The following RAPGEF1 variants were observed in gnomAD, a reference collection of about 807,000 sequenced individuals.
The protein encoded by RAPGEF1 is Rap guanine nucleotide exchange factor 1.
Under a neutral mutation model 143.3 loss-of-function variants are expected in RAPGEF1, and 33 were observed. The observed-to-expected ratio is 0.23, with a 90% confidence interval of 0.17 to 0.31. RAPGEF1 has a LOEUF of 0.31. Among genes scored for constraint, RAPGEF1 ranks in the 10% least tolerant of loss-of-function variants. The pLI, the probability that RAPGEF1 is intolerant of heterozygous loss-of-function variation, is 1.00. For missense variants in RAPGEF1, 1,199 were observed against 1,645.4 expected, an observed-to-expected ratio of 0.73 and a Z score of 4.69; for synonymous variants, 629 against 676.5, an observed-to-expected ratio of 0.93 and a Z score of 1.09.
At position 131,628,860 on chromosome 9, in the gene RAPGEF1, C is replaced by A. The variant is rs572998296; in HGVS notation, c.894-188G>T. On this transcript the variant is annotated intron_variant, in intron 7 of 26. Coordinates refer to ENST00000683357, the MANE Select transcript of RAPGEF1 (RefSeq NM_001377935.1). This position sits in a 1 kb window ranked among gnomAD's most constrained non-coding sequence, Gnocchi z 5.7. ...TAAATACCAAATGAACAAAAAAGAACAACCCTTTCTTTTTCTTTCATAATA... is the reference window on the plus strand; with the variant it reads ...TAAATACCAAATGAACAAAAAAGAAAAACCCTTTCTTTTTCTTTCATAATA... Among the ~76,000 whole-genome samples, 2 of 152,334 alleles carry A rather than the reference C, an allele frequency of 1.3e-5. No homozygotes were observed. The highest frequency in any genetic ancestry group is 3.9e-4 in the East Asian group (2 of 5,186).
intron 15 of RAPGEF1, among the ~76,000 whole-genome samples, chr9:131,599,546 G>A (rs1486702362): frequency 6.6e-6 from 1 of 152,014 alleles, no homozygotes; most frequent in African/African-American, 2.4e-5. Context: ...AGGTCGGGAG[G>A]CTTCTGGAAT....
intron 1 of RAPGEF1, among the ~76,000 whole-genome samples, chr9:131,727,265 C>T (rs897896609): frequency 1.3e-5 from 2 of 152,008 alleles, no homozygotes; most frequent in African/African-American, 2.4e-5. Flanking sequence ...TCCAAGACCC[C>T]GGGTATTTGC....
Position 131,638,693 on chromosome 9 carries a change from T to C in RAPGEF1, c.593A>G (p.Asp198Gly). 6.2e-7 allele frequency: 1 copy of C among 1,614,000 alleles called. No homozygotes were observed. The highest frequency in any genetic ancestry group is 8.5e-7 in the Non-Finnish European group (1 of 1,179,890). The change falls in exon 5 of 27, where the codon GAC becomes GGC. Residue 198 changes from aspartate to glycine, a missense_variant. Physicochemically the swap from Asp to Gly is moderately conservative, Grantham distance 94. Around this residue, in one of 6 missense-constraint regions of RAPGEF1, gnomAD observed 613 missense variants for 710.9 expected, o/e 0.86. Coordinates refer to ENST00000683357, the MANE Select transcript of RAPGEF1 (RefSeq NM_001377935.1). ...CTTCACAGTCGTCACCATCTCCTTG[T>C]CTTCTGAGTTCACGCCTTCCAGCAT... The part of the protein sequence containing the change: ...QVMLEGVNSE[D>G]KEMVTTVKGV...
chr9:131,702,248 A>G (rs1306092935), intron 1 of RAPGEF1, among the ~76,000 whole-genome samples: 1 of 152,208 alleles, frequency 6.6e-6, no homozygotes, highest in African/African-American at 2.4e-5. Context: ...TGTCTCTTTC[A>G]TGTGAAGAAA....
intron 1 of RAPGEF1, chr9:131,737,376 T>C (rs745460770): frequency 5.6e-6 from 9 of 1,613,600 alleles, no homozygotes; most frequent in Non-Finnish European, 7.6e-6. Context: ...GTCTTCCTCA[T>C]TCCCGCACTC....
chr9:131,596,715 C>T (rs1955358813), intron 16 of RAPGEF1, among the ~76,000 whole-genome samples: 1 of 152,146 alleles, frequency 6.6e-6, no homozygotes, highest in African/African-American at 2.4e-5. Context: ...CTCACCAAAC[C>T]ACAAGTCAGA....
At position 131,584,818 on chromosome 9, in the gene RAPGEF1, T is replaced by C. The variant is rs1952449850; in HGVS notation, c.3234-222A>G. 6.6e-6 allele frequency among the ~76,000 whole-genome samples: 1 copy of C among 152,206 alleles called. No homozygotes were observed. Among genetic ancestry groups the C allele is most frequent in the East Asian group, 1.9e-4 (1 of 5,196 alleles). Reference sequence around the variant, plus strand: ...CAAGGAAATCTGGTGACAATAAATCTGGTGACCATAAGGAAATCTGGTGAA... The same window carrying C: ...CAAGGAAATCTGGTGACAATAAATCCGGTGACCATAAGGAAATCTGGTGAA... On this transcript the variant is annotated intron_variant, in intron 22 of 26. Coordinates refer to ENST00000683357, the MANE Select transcript of RAPGEF1 (RefSeq NM_001377935.1). This position sits in a 1 kb window ranked among gnomAD's most constrained non-coding sequence, Gnocchi z 6.8.
chr9:131,582,763 G>C, intron 24 of RAPGEF1, 61 bp from the exon 25 acceptor site: 4 of 1,400,712 alleles, frequency 2.9e-6, no homozygotes, highest in Non-Finnish European at 2.9e-6. Flanking sequence ...GCAATGCTGG[G>C]GCAGAGCCCT....
intron 12 of RAPGEF1, among the ~76,000 whole-genome samples, chr9:131,611,775 G>C (rs564682753): frequency 6.6e-6 from 1 of 152,284 alleles, no homozygotes; most frequent in Non-Finnish European, 1.5e-5. Context: ...AGAACATGAA[G>C]GAGAAATACA....
chr9:131,630,127 TC>T, intron 6 of RAPGEF1, 108 bp downstream of exon 6: 1 of 945,682 alleles, frequency 1.1e-6, no homozygotes. Context: ...AATATGGGCC[TC>T]CAGCAGCCCA....
intron 16 of RAPGEF1, among the ~76,000 whole-genome samples, chr9:131,597,440 C>T (rs896181708): frequency 3.3e-5 from 5 of 152,254 alleles, no homozygotes; most frequent in Non-Finnish European, 7.3e-5. Context: ...ATGGCCAGAG[C>T]CAGCGCATCC....
chr9:131,692,023 A>AT (rs778022033), intron 1 of RAPGEF1, among the ~76,000 whole-genome samples: 114 of 152,330 alleles, frequency 7.5e-4, no homozygotes, highest in Admixed American at 3.6e-3. Flanking sequence ...TAATATAGTT[A>AT]TTTCCATTAA....
At chr9:131,716,024 C>T (rs1835839600) in intron 1 of RAPGEF1, among the ~76,000 whole-genome samples, 1 of 152,166 alleles carries the variant, frequency 6.6e-6, no homozygotes, top group Admixed American at 6.5e-5. Flanking sequence ...AGCTAGCCCG[C>T]CGACCCACGT....
At chr9:131,581,174 GA>G (rs71501264) in intron 25 of RAPGEF1, among the ~76,000 whole-genome samples, 68,701 of 145,522 alleles carry the variant, frequency 0.47, 15,798 homozygotes, top group East Asian at 0.61. Context: ...CTCAAAAAAA[GA>G]AAAAAAAAAA....
chr9:131,580,959 A>G (rs1951773662), intron 25 of RAPGEF1, among the ~76,000 whole-genome samples: 1 of 152,096 alleles, frequency 6.6e-6, no homozygotes, highest in South Asian at 2.1e-4. Context: ...AACCTGGCCA[A>G]CATGGTGAAA....
At position 131,709,529 on chromosome 9, in the gene RAPGEF1, C is replaced by T. The variant is rs190254633; in HGVS notation, c.61+30241G>A. On this transcript the variant is annotated intron_variant, in intron 1 of 26. Transcript: ENST00000683357. ...TGCTTTCTGCTCTGGAAGGTGATTC[C>T]CCAGGCACTTCAGCTCTGCTGCTGG... 4.6e-3 allele frequency: 5,540 copies of T among 1,212,526 alleles called. 23 individuals are homozygous for T. The highest frequency in any genetic ancestry group is 5.1e-3 in the Non-Finnish European group (4,271 of 835,896). 75.1% of individuals were successfully genotyped at this position (1,212,526 alleles called of 1,614,324 possible). A position where few individuals can be genotyped will look rare whatever the true frequency, so the allele number is the denominator to read the frequency against.
At chr9:131,729,958 G>A (rs189170913) in intron 1 of RAPGEF1, among the ~76,000 whole-genome samples, 195 of 152,200 alleles carry the variant, frequency 1.3e-3, no homozygotes, top group African/African-American at 4.4e-3. Flanking sequence ...ACTTTGGGAG[G>A]CCGAGGCGGG....
Position 131,577,983 on chromosome 9 carries a change from CA to C in RAPGEF1, c.*1513del, listed in dbSNP as rs1360382056. 4 of 152,246 alleles carry C rather than the reference CA, an allele frequency of 2.6e-5. No individual in the cohort carries two copies. Among genetic ancestry groups the C allele is most frequent in the Non-Finnish European group, 4.4e-5 (3 of 68,038 alleles). The allele number at this position is 152,246 out of a possible 1,614,324, so 9.4% of individuals were successfully genotyped here. On this transcript the variant is annotated 3_prime_UTR_variant, in exon 27 of 27. Transcript: ENST00000683357. ...TGGTTTAAAAAAAAACCTAAATGAT[CA>C]ACAGATGTTGCTTTCTATATTTTTC...
chr9:131,605,763 CTT>C lies in RAPGEF1; in HGVS notation c.2062-577_2062-576del, dbSNP rs34279999. ...ACCCCATTTTTTTCTTTCTTTCTTT[CTT>C]TTTTTTTTTTTTTAACAAATGAAGT... is the stretch of plus-strand genomic sequence containing the variant. On this transcript the variant is annotated intron_variant, in intron 12 of 26. Coordinates refer to ENST00000683357, the MANE Select transcript of RAPGEF1 (RefSeq NM_001377935.1). 2.8e-3 allele frequency among the ~76,000 whole-genome samples: 402 copies of C among 143,074 alleles called. 1 individual carries two copies. Among genetic ancestry groups the C allele is most frequent in the Non-Finnish European group, 2.5e-3 (163 of 65,874 alleles). The allele number at this position is 143,074 out of a possible 152,430, so 93.9% of individuals were successfully genotyped here.
Sources: gnomAD v4.1 joint callset for allele counts (sites outside exome capture counted in the v4.1 genomes callset) on GRCh38, gnomAD v4.1.1 for gene constraint, gnomAD v4.1.1 regional missense constraint, Gnocchi (gnomAD v3.1) non-coding constraint, MANE v1.5 for transcripts, NCBI Gene and HGNC (gene_info 2026-07-23, HGNC 2026-07-21) for gene names.